Variants in C10orf67 observed in about 807,000 individuals in gnomAD.
C10orf67 encodes the protein chromosome 10 open reading frame 67.
In C10orf67, 60 loss-of-function variants were observed where a neutral mutation model predicts 35.6. The ratio of observed to expected loss-of-function variants is 1.68; its 90% CI spans 1.37 to 2.09. C10orf67 has a LOEUF of 2.09. Ranked by LOEUF, C10orf67 falls within the 30% of genes most tolerant of loss-of-function variation. The pLI, the probability that C10orf67 is intolerant of heterozygous loss-of-function variation, is 0.00. For synonymous variants in C10orf67, 167 were observed against 115.8 expected, an observed-to-expected ratio of 1.44 and a Z score of -2.84; for missense variants, 474 against 330.2, an observed-to-expected ratio of 1.44 and a Z score of -3.38.
At chr10:23,226,337 C>T (rs960412454) in intron 13 of C10orf67, among the ~76,000 whole-genome samples, 4 of 152,150 alleles carry the variant, frequency 2.6e-5, no homozygotes, top group Non-Finnish European at 4.4e-5. Context: ...TCCTGGATGA[C>T]TACTGGGTAC....
At chr10:23,218,891 C>T (rs539141023) in intron 15 of C10orf67, among the ~76,000 whole-genome samples, 17 of 152,212 alleles carry the variant, frequency 1.1e-4, no homozygotes, top group African/African-American at 2.2e-4. Flanking sequence ...TAGCTGACAG[C>T]CTAGAGACAA....
At chr10:23,282,880 G>A (rs1379103367) in intron 7 of C10orf67, among the ~76,000 whole-genome samples, 1 of 151,906 alleles carries the variant, frequency 6.6e-6, no homozygotes, top group South Asian at 2.1e-4. Context: ...TTGAACTTAC[G>A]GAGATAGAGA....
At chr10:23,241,520 G>GC (rs1474153969) in intron 12 of C10orf67, among the ~76,000 whole-genome samples, 1 of 152,102 alleles carries the variant, frequency 6.6e-6, no homozygotes, top group South Asian at 2.1e-4. Context: ...AGTGAACATT[G>GC]CCCCCCATGA....
intron 7 of C10orf67, among the ~76,000 whole-genome samples, chr10:23,287,824 A>G (rs975058855): frequency 4.6e-5 from 7 of 152,260 alleles, no homozygotes; most frequent in African/African-American, 1.4e-4. Flanking sequence ...ATGAACAGAC[A>G]CTTCTCAAAA....
At chr10:23,343,896 C>G (rs761769164) in intron 1 of C10orf67, 20 of 463,342 alleles carry the variant, frequency 4.3e-5, no homozygotes, top group Non-Finnish European at 6.7e-5. Context: ...CTGCCTCTCC[C>G]GCTGGTCACC....
intron 4 of C10orf67, among the ~76,000 whole-genome samples, chr10:23,316,087 C>T (rs769829490): frequency 4.6e-5 from 7 of 152,252 alleles, no homozygotes; most frequent in East Asian, 1.9e-4. Context: ...CCCGCTTGGC[C>T]GGGCAGGCTG....
chr10:23,328,502 A>G (rs932249750), intron 2 of C10orf67, among the ~76,000 whole-genome samples: 6 of 152,150 alleles, frequency 3.9e-5, no homozygotes, highest in African/African-American at 1.2e-4. Flanking sequence ...AAAGTCAGGC[A>G]CTAATGGTGG....
intron 13 of C10orf67, among the ~76,000 whole-genome samples, chr10:23,239,467 C>T (rs1336299878): frequency 6.6e-6 from 1 of 152,188 alleles, no homozygotes; most frequent in Admixed American, 6.5e-5. Context: ...AGTGCCCGCT[C>T]CTCTGAAATT....
At chr10:23,337,568 G>A (rs1248258140) in intron 1 of C10orf67, among the ~76,000 whole-genome samples, 1 of 152,132 alleles carries the variant, frequency 6.6e-6, no homozygotes, top group African/African-American at 2.4e-5. Context: ...GTCATCATTG[G>A]TGACTATGGC....
At chr10:23,206,031 A>G (rs1228979343) in intron 15 of C10orf67, among the ~76,000 whole-genome samples, 3 of 152,202 alleles carry the variant, frequency 2.0e-5, no homozygotes, top group African/African-American at 7.2e-5. Context: ...GCCATCCCCA[A>G]TCATTTTTTA....
rs567228429 is a variant in C10orf67, at chr10:23,273,919, T to C, written c.976-6665A>G. Among the ~76,000 whole-genome samples the C allele has an allele frequency of 7.9e-5, 12 of 152,322 alleles. No individual in the cohort carries two copies. In the South Asian group the frequency reaches 2.5e-3, roughly 32 times the overall value. On this transcript the variant is annotated intron_variant, in intron 8 of 15. Coordinates refer to ENST00000636213, the MANE Select transcript of C10orf67 (RefSeq NM_001371909.1). ...AGGTATTGGGGGAACCAGCCCCCAA[T>C]ATTTCAATGTAGGTTCTTTCTATTT...
intron 2 of C10orf67, among the ~76,000 whole-genome samples, chr10:23,325,527 G>T (rs1355203986): frequency 7.2e-6 from 1 of 138,788 alleles, no homozygotes; most frequent in African/African-American, 2.7e-5. Context: ...CAAGTTAATT[G>T]TGTGCAAAAA....
chr10:23,244,945 T>A (rs1401656598), intron 12 of C10orf67, among the ~76,000 whole-genome samples: 1 of 152,178 alleles, frequency 6.6e-6, no homozygotes, highest in Non-Finnish European at 1.5e-5. Flanking sequence ...CTTCCTGATT[T>A]GAGAAACTAT....
At chr10:23,244,279 A>G (rs778303656) in intron 12 of C10orf67, among the ~76,000 whole-genome samples, 7 of 152,226 alleles carry the variant, frequency 4.6e-5, no homozygotes, top group Non-Finnish European at 7.3e-5. Context: ...AATATATTGT[A>G]TGTCACAACT....
chr10:23,203,564 G>C lies in C10orf67; in HGVS notation c.*609C>G, dbSNP rs1841076134. Reference sequence around the variant, plus strand: ...CCCGCCTTTTGGTAAACGGTGTCTGGCATTCCAGCAGAATCTTGGTTTGCA... The same window carrying C: ...CCCGCCTTTTGGTAAACGGTGTCTGCCATTCCAGCAGAATCTTGGTTTGCA... On this transcript the variant is annotated 3_prime_UTR_variant, in exon 16 of 16. Transcript: ENST00000636213. 6.6e-6 allele frequency: 1 copy of C among 152,184 alleles called. No individual in the cohort carries two copies. Among genetic ancestry groups the C allele is most frequent in the Non-Finnish European group, 1.5e-5 (1 of 68,034 alleles). The allele number at this position is 152,184 out of a possible 1,614,324, so 9.4% of individuals were successfully genotyped here.
chr10:23,287,877 A>ATC (rs1192745510), intron 7 of C10orf67, among the ~76,000 whole-genome samples: 1 of 152,218 alleles, frequency 6.6e-6, no homozygotes, highest in African/African-American at 2.4e-5. Context: ...AAAGCTCAAC[A>ATC]TCACTGATCA....
rs188164404 is a variant in C10orf67, at chr10:23,205,949, T to A, written c.1571-1694A>T. Among the ~76,000 whole-genome samples, 12 of 152,286 alleles carry A rather than the reference T, an allele frequency of 7.9e-5. No homozygotes were observed. The East Asian group carries it at 2.3e-3, about 29-fold the overall frequency. On this transcript the variant is annotated intron_variant, in intron 15 of 15. Coordinates refer to ENST00000636213, the MANE Select transcript of C10orf67 (RefSeq NM_001371909.1). ...GTAATGCAATTTAGAAAGAAACACT[T>A]CCATGTTTTCTTTTCTAACAATGTG...
rs138303735 is a variant in C10orf67, at chr10:23,336,161, A to T, written c.207-2979T>A. On this transcript the variant is annotated intron_variant, in intron 1 of 15. Transcript: ENST00000636213. Reference sequence around the variant, plus strand: ...AATAGTGGGAGACTGGATACATTGAATGAGTAAGTAAATGTTCTCAAAATG... The same window carrying T: ...AATAGTGGGAGACTGGATACATTGATTGAGTAAGTAAATGTTCTCAAAATG... Among the ~76,000 whole-genome samples the T allele has an allele frequency of 3.9e-5, 6 of 152,346 alleles. 1 individual carries two copies. In the East Asian group the frequency reaches 1.2e-3, roughly 29 times the overall value.
At chr10:23,258,374 T>A in intron 10 of C10orf67, 1 of 168,916 alleles carries the variant, frequency 5.9e-6, no homozygotes. Flanking sequence ...GTGCTGTTTC[T>A]GATTGGCACC....
Sources: allele counts gnomAD v4.1 joint callset (sites outside exome capture counted in the v4.1 genomes callset), GRCh38; gene constraint gnomAD v4.1.1; transcripts MANE v1.5; gene names NCBI Gene and HGNC (gene_info 2026-07-23, HGNC 2026-07-21).